The following SLC26A8 variants were observed in gnomAD, a reference collection of about 807,000 sequenced individuals.
The protein encoded by SLC26A8 is solute carrier family 26 member 8.
In SLC26A8, 70 loss-of-function variants were observed where a neutral mutation model predicts 105.0. That is an observed-to-expected ratio of 0.67 (90% CI 0.55 to 0.81). SLC26A8 has a LOEUF of 0.81. SLC26A8 is among the 40% of genes least tolerant of loss of function. SLC26A8 has a pLI of 0.00. For synonymous variants in SLC26A8, 415 were observed against 438.3 expected (o/e 0.95, Z 0.66); for missense variants, 998 against 1,181.8 (o/e 0.84, Z 2.28).
chr6:35,952,939 G>A (rs747062035), intron 17 of SLC26A8, among the ~76,000 whole-genome samples: 84 of 151,078 alleles, frequency 5.6e-4, no homozygotes, highest in African/African-American at 1.9e-3. Flanking sequence ...ACTTGAACCC[G>A]GGAGGTGGAG....
chr6:36,021,846 T>G (rs2127378454), intron 1 of SLC26A8, among the ~76,000 whole-genome samples: 1 of 152,114 alleles, frequency 6.6e-6, no homozygotes, highest in Admixed American at 6.5e-5. Context: ...TGCAGTGGCG[T>G]GATCTCAGCT....
At chr6:36,019,963 G>C (rs1762091367) in intron 1 of SLC26A8, among the ~76,000 whole-genome samples, 1 of 152,178 alleles carries the variant, frequency 6.6e-6, no homozygotes, top group Non-Finnish European at 1.5e-5. Flanking sequence ...CTAGAACCCA[G>C]GTGTCCTGCT....
Position 36,013,327 on chromosome 6 carries a change from G to A in SLC26A8, c.189-955C>T, listed in dbSNP as rs998717843. On this transcript the variant is annotated intron_variant, in intron 2 of 19. Transcript: ENST00000490799. ...TTCTCCTGCCTCAGCCTCCTGAGTA[G>A]CTGGGATTACAGGCATGCGCCACCA... Among the ~76,000 whole-genome samples, 7 of 152,188 alleles carry A rather than the reference G, an allele frequency of 4.6e-5. No homozygotes were observed. The East Asian group carries it at 1.4e-3, about 29-fold the overall frequency.
Position 35,951,323 on chromosome 6 carries a change from C to G in SLC26A8, c.2312G>C (p.Arg771Thr). Residue 771 changes from arginine to threonine, a missense_variant, in exon 19 of 20, where the codon AGG becomes ACG. Coordinates refer to ENST00000490799, the MANE Select transcript of SLC26A8 (RefSeq NM_052961.4). ...GATGCCAGCGTCAAAGAAATCATTC[C>G]TCTCAAATGCCCTGACTATGGAAGC... ...CHSSIVRAFE[R>T]NDFFDAGITK... 1 of 1,614,082 alleles carries G rather than the reference C, an allele frequency of 6.2e-7. No homozygotes were observed. The highest frequency in any genetic ancestry group is 8.5e-7 in the Non-Finnish European group (1 of 1,180,022).
At chr6:35,982,750 T>C (rs1773327708) in intron 7 of SLC26A8, among the ~76,000 whole-genome samples, 1 of 152,232 alleles carries the variant, frequency 6.6e-6, no homozygotes, top group African/African-American at 2.4e-5. Flanking sequence ...TACATTGTAG[T>C]AATACAGATA....
chr6:36,015,746 G>A (rs1292986912), intron 2 of SLC26A8, among the ~76,000 whole-genome samples: 1 of 152,100 alleles, frequency 6.6e-6, no homozygotes, highest in Non-Finnish European at 1.5e-5. Flanking sequence ...AGGACTGGGG[G>A]GGATATCCAA....
intron 2 of SLC26A8, among the ~76,000 whole-genome samples, chr6:36,015,740 C>CT (rs1761977708): frequency 6.6e-6 from 1 of 151,752 alleles, no homozygotes; most frequent in African/African-American, 2.4e-5. Flanking sequence ...AGTGAGAGGA[C>CT]TGGGGGGGAT....
chr6:35,955,118 T>A, intron 17 of SLC26A8, 34 bp downstream of exon 17: 1 of 1,613,306 alleles, frequency 6.2e-7, no homozygotes, highest in Non-Finnish European at 8.5e-7. Flanking sequence ...AGGAGGGGGA[T>A]CAGAGCTCCT....
At chr6:35,976,550 CTT>C (rs371327114) in intron 9 of SLC26A8, among the ~76,000 whole-genome samples, 13 of 130,128 alleles carry the variant, frequency 1.0e-4, no homozygotes, top group Middle Eastern at 3.8e-3. Flanking sequence ...GAAGCCCTCG[CTT>C]TTTTTTTTTT....
chr6:35,953,668 TG>T (rs1336146260), intron 17 of SLC26A8, among the ~76,000 whole-genome samples: 1 of 152,006 alleles, frequency 6.6e-6, no homozygotes, highest in Non-Finnish European at 1.5e-5. Flanking sequence ...CAGAAAGTGG[TG>T]TTGAAAAATA....
At chr6:35,997,293 G>A (rs368653688) in intron 5 of SLC26A8, among the ~76,000 whole-genome samples, 4 of 152,126 alleles carry the variant, frequency 2.6e-5, no homozygotes, top group Admixed American at 2.0e-4. Flanking sequence ...CTGCACATGC[G>A]AGGAATCTAG....
At chr6:36,000,676 C>T (rs999123752) in intron 3 of SLC26A8, among the ~76,000 whole-genome samples, 1 of 152,228 alleles carries the variant, frequency 6.6e-6, no homozygotes, top group African/African-American at 2.4e-5. Flanking sequence ...GGCATAGTGT[C>T]ATCCTTTTGA....
Position 35,965,331 on chromosome 6 carries a change from T to G in SLC26A8, c.1366-2710A>C, listed in dbSNP as rs147461039. Among the ~76,000 whole-genome samples, 306 of 152,326 alleles carry G rather than the reference T, an allele frequency of 2.0e-3. 1 individual carries two copies. The highest frequency in any genetic ancestry group is 7.0e-3 in the African/African-American group (293 of 41,562). ...ATGAGGATTTATACGCACAAGCATATAAAAATCGTTCAGGGCTTCAAAGTA... is the reference window on the plus strand; with the variant it reads ...ATGAGGATTTATACGCACAAGCATAGAAAAATCGTTCAGGGCTTCAAAGTA... On this transcript the variant is annotated intron_variant, in intron 11 of 19. Transcript: ENST00000490799.
At chr6:36,019,829 GT>G in intron 1 of SLC26A8, 120 bp from the exon 2 acceptor site, 1 of 932,012 alleles carries the variant, frequency 1.1e-6, no homozygotes. Context: ...GCATCTTTCA[GT>G]TGTAAAAAAC....
Position 35,972,112 on chromosome 6 carries a change from A to G in SLC26A8, c.1288-3158T>C, listed in dbSNP as rs544687824. Reference sequence around the variant, plus strand: ...GCAAGAAATTAAGTGAAATCTAAACACATATACACAGTTTGCATCTATGCC... The same window carrying G: ...GCAAGAAATTAAGTGAAATCTAAACGCATATACACAGTTTGCATCTATGCC... On this transcript the variant is annotated intron_variant, in intron 10 of 19. Coordinates refer to ENST00000490799, the MANE Select transcript of SLC26A8 (RefSeq NM_052961.4). Among the ~76,000 whole-genome samples, 29 of 152,354 alleles carry G rather than the reference A, an allele frequency of 1.9e-4. No individual in the cohort carries two copies. In the East Asian group the frequency reaches 5.2e-3, roughly 27 times the overall value.
At chr6:35,954,984 T>C in intron 17 of SLC26A8, 168 bp downstream of exon 17, 1 of 756,284 alleles carries the variant, frequency 1.3e-6, no homozygotes, top group Non-Finnish European at 2.2e-6. Flanking sequence ...CATTCTCTTT[T>C]TATTTTGATT....
intron 19 of SLC26A8, among the ~76,000 whole-genome samples, chr6:35,945,957 T>G (rs961859375): frequency 1.3e-5 from 2 of 152,176 alleles, no homozygotes; most frequent in African/African-American, 4.8e-5. Flanking sequence ...CCTCCTTCCT[T>G]CCTGGTTGCT....
chr6:35,975,913 CAAA>C (rs34783824), intron 9 of SLC26A8, among the ~76,000 whole-genome samples: 8 of 81,046 alleles, frequency 9.9e-5, no homozygotes, highest in Admixed American at 2.9e-4. Flanking sequence ...AACTCCATCT[CAAA>C]AAAAAAAAAA....
chr6:35,946,456 C>T (rs553903384), intron 19 of SLC26A8, among the ~76,000 whole-genome samples: 8 of 152,094 alleles, frequency 5.3e-5, no homozygotes, highest in Non-Finnish European at 4.4e-5. Context: ...AGGCTAGTCT[C>T]GAACTCCTGG....
Sources: gnomAD v4.1 joint callset for allele counts (sites outside exome capture counted in the v4.1 genomes callset) on GRCh38, gnomAD v4.1.1 for gene constraint, MANE v1.5 for transcripts, NCBI Gene and HGNC (gene_info 2026-07-23, HGNC 2026-07-21) for gene names.